SART3: variants seen among roughly 807,000 people sequenced by gnomAD.
SART3 encodes the protein HIV-1 Tat-interacting protein of 110kDa.
A neutral mutation model predicts 122.3 loss-of-function variants in SART3; 44 were observed. The observed-to-expected ratio is 0.36, with a 90% CI of 0.28 to 0.46. The LOEUF is 0.46. Among genes scored for constraint, SART3 ranks in the 20% least tolerant of loss-of-function variants. The pLI, the probability that SART3 is intolerant of heterozygous loss-of-function variation, is 1.00. For missense variants in SART3, 1,101 were observed against 1,229.0 expected, an observed-to-expected ratio of 0.90 and a Z score of 1.56; for synonymous variants, 442 against 454.0, an observed-to-expected ratio of 0.97 and a Z score of 0.34.
At chr12:108,554,801 G>A (rs754335469) in intron 1 of SART3, among the ~76,000 whole-genome samples, 2 of 151,618 alleles carry the variant, frequency 1.3e-5, no homozygotes, top group Non-Finnish European at 2.9e-5. Flanking sequence ...ATGAGACAAG[G>A]AAAAGAAACA....
In SART3 at chr12:108,560,611, A is replaced by G. The variant is rs1253397462; in HGVS notation, c.312+232T>C. On this transcript the variant is annotated intron_variant, in intron 1 of 18. Coordinates refer to ENST00000546815, the MANE Select transcript of SART3 (RefSeq NM_014706.4). The stretch of plus-strand genomic sequence containing the variant: ...CTCAGTTTCCTCCAGTAAAATGGGG[A>G]TAGATAACAGGGCTTCCTTCACAGG... 2.3e-5 allele frequency: 11 copies of G among 484,266 alleles called. No individual in the cohort carries two copies. In the Admixed American group the frequency reaches 2.4e-4, roughly 10 times the overall value. The allele number at this position is 484,266 out of a possible 1,614,324, so 30.0% of individuals were successfully genotyped here. A position where few individuals can be genotyped will look rare whatever the true frequency, so the allele number is the denominator to read the frequency against.
chr12:108,529,679 T>C (rs1290225238), intron 15 of SART3, among the ~76,000 whole-genome samples: 1 of 152,120 alleles, frequency 6.6e-6, no homozygotes, highest in Non-Finnish European at 1.5e-5. Context: ...ACAGGAGCAC[T>C]TGTGCACTAT....
At position 108,532,286 on chromosome 12, in the gene SART3, G is replaced by A; in HGVS notation, c.1605C>T (p.Val535=). ...GCTCTGGGTAGTCACTGGTGCACTG[G>A]ACGGCCCGGTGCAGAGCCTTCCGGC... ...QHCRKALHRA[V]QCTSDYPEHV... is the part of the protein sequence containing the mutation. Residue 535 remains valine (V), a synonymous_variant, in exon 13 of 19, where the codon GTC becomes GTT. Transcript: ENST00000546815. The A allele has an allele frequency of 6.2e-7, 1 of 1,614,162 alleles. No individual in the cohort carries two copies. The highest frequency in any genetic ancestry group is 1.1e-5 in the South Asian group (1 of 91,076).
In SART3 at chr12:108,530,317, A is replaced by G. The variant is rs564918038; in HGVS notation, c.1747-7T>C. ...CTGCTTCCTTCTCTGCAGCCTAGAA[A>G]AGTGGGAAGATGATGCATCGCTGGA... On this transcript the variant is annotated splice_polypyrimidine_tract_variant and splice_region_variant and intron_variant, in intron 14 of 18. Coordinates refer to ENST00000546815, the MANE Select transcript of SART3 (RefSeq NM_014706.4). 3.4e-5 allele frequency: 55 copies of G among 1,613,940 alleles called. 1 individual carries two copies. The South Asian group carries it at 5.9e-4, about 17-fold the overall frequency.
At chr12:108,532,172 A>G (rs781270006) in intron 13 of SART3, 50 bp downstream of exon 13, 2 of 1,535,078 alleles carry the variant, frequency 1.3e-6, no homozygotes, top group South Asian at 1.1e-5. Flanking sequence ...ACTTGAGACC[A>G]AACAGCAAAT....
At chr12:108,553,550 T>C (rs948004685) in intron 1 of SART3, among the ~76,000 whole-genome samples, 1 of 152,190 alleles carries the variant, frequency 6.6e-6, no homozygotes, top group East Asian at 1.9e-4. Flanking sequence ...TTTAGGAATA[T>C]TTCCCTCTCC....
At chr12:108,538,252 C>T in intron 7 of SART3, 49 bp from the exon 8 acceptor site, 4 of 1,602,806 alleles carry the variant, frequency 2.5e-6, no homozygotes, top group South Asian at 1.1e-5. Flanking sequence ...ATTAAGCATT[C>T]ACCATCAACA....
At chr12:108,530,442 A>G in intron 14 of SART3, 132 bp from the exon 15 acceptor site, 1 of 1,001,744 alleles carries the variant, frequency 1.0e-6, no homozygotes, top group Admixed American at 2.0e-5. Context: ...AAACGTGGAC[A>G]GGCTCACGGC....
chr12:108,545,407 C>T lies in SART3; in HGVS notation c.545-84G>A, dbSNP rs80353315. Reference sequence around the variant, plus strand: ...ATGCATAACAAACGAAATGTGCCTACCAAAAAAGTACTCAGACAGCAGCAC... The same window carrying T: ...ATGCATAACAAACGAAATGTGCCTATCAAAAAAGTACTCAGACAGCAGCAC... On this transcript the variant is annotated intron_variant, in intron 3 of 18. Transcript: ENST00000546815. 806 of 1,313,882 alleles carry T rather than the reference C, an allele frequency of 6.1e-4. 4 individuals are homozygous for T. The African/African-American group carries it at 9.6e-3, about 16-fold the overall frequency. The allele number at this position is 1,313,882 out of a possible 1,614,324, so 81.4% of individuals were successfully genotyped here.
At chr12:108,537,721 G>A (rs1405463183) in intron 8 of SART3, 126 bp from the exon 9 acceptor site, 11 of 778,886 alleles carry the variant, frequency 1.4e-5, no homozygotes, top group East Asian at 8.0e-5. Flanking sequence ...AGAATGAAAT[G>A]AGCTAGACAG....
chr12:108,554,674 T>C (rs2030143904), intron 1 of SART3, among the ~76,000 whole-genome samples: 2 of 147,766 alleles, frequency 1.4e-5, no homozygotes, highest in Admixed American at 1.4e-4. Context: ...TATTATATAT[T>C]TATATATTTA....
At chr12:108,530,120 C>T (rs1173579093) in intron 15 of SART3, 22 bp downstream of exon 15, 2 of 1,613,928 alleles carry the variant, frequency 1.2e-6, no homozygotes, top group Non-Finnish European at 8.5e-7. Context: ...TTTCAAAACA[C>T]AATTTCTCAA....
chr12:108,545,112 C>G, intron 4 of SART3, 27 bp downstream of exon 4: 1 of 1,610,116 alleles, frequency 6.2e-7, no homozygotes, highest in Non-Finnish European at 8.5e-7. Flanking sequence ...AGCCCCAACC[C>G]GTTCAGAGAC....
rs146774269 is a variant in SART3 at position 108,543,103 on chromosome 12, T to C, written c.831A>G (p.Ile277Met). Residue 277 changes from isoleucine to methionine, a missense_variant, in exon 6 of 19, where the codon ATA becomes ATG. Coordinates refer to ENST00000546815, the MANE Select transcript of SART3 (RefSeq NM_014706.4). The stretch of plus-strand genomic sequence containing the variant: ...TATAGTTCTGAATTACTGACTCTGG[T>C]ATTGGGTCTTCTGACCATTCTTCAT... ...AEYEEWSEDP[I>M]PESVIQNYNK... 99 of 1,614,114 alleles carry C rather than the reference T, an allele frequency of 6.1e-5. No homozygotes were observed. The African/African-American group carries it at 1.1e-3, about 19-fold the overall frequency.
At chr12:108,534,405 C>T (rs892591040) in intron 12 of SART3, among the ~76,000 whole-genome samples, 4 of 151,648 alleles carry the variant, frequency 2.6e-5, no homozygotes, top group African/African-American at 9.7e-5. Flanking sequence ...CACGTTTAGC[C>T]GGATATGGTG....
intron 15 of SART3, among the ~76,000 whole-genome samples, chr12:108,528,740 C>T (rs1035506501): frequency 6.6e-6 from 1 of 152,096 alleles, no homozygotes; most frequent in Non-Finnish European, 1.5e-5. Flanking sequence ...GAGGCAGGCA[C>T]AGGAAGTTGA....
At chr12:108,548,960 C>A in intron 2 of SART3, 128 bp downstream of exon 2, 1 of 1,382,264 alleles carries the variant, frequency 7.2e-7, no homozygotes, top group South Asian at 1.2e-5. Context: ...AACTCTGATG[C>A]GTTTTCTTCT....
Position 108,522,792 on chromosome 12 carries a change from C to T in SART3, c.*665G>A, listed in dbSNP as rs1479116223. On this transcript the variant is annotated 3_prime_UTR_variant, in exon 19 of 19. Transcript: ENST00000546815. ...GGCTGAAACTCATGTTTAGACAACACAGGTCACTAGTCACTAGGCAAAGAA... is the reference window on the plus strand; with the variant it reads ...GGCTGAAACTCATGTTTAGACAACATAGGTCACTAGTCACTAGGCAAAGAA... 6.5e-6 allele frequency: 1 copy of T among 153,690 alleles called. No individual in the cohort carries two copies. Among genetic ancestry groups the T allele is most frequent in the Non-Finnish European group, 1.4e-5 (1 of 69,074 alleles). 9.5% of individuals were successfully genotyped at this position (153,690 alleles called of 1,614,324 possible).
At chr12:108,552,561 A>G (rs1592775189) in intron 1 of SART3, among the ~76,000 whole-genome samples, 1 of 151,670 alleles carries the variant, frequency 6.6e-6, no homozygotes, top group Non-Finnish European at 1.5e-5. Context: ...AAACAAAAGA[A>G]CATGTGGAAA....
Sources: gnomAD v4.1 joint callset for allele counts (sites outside exome capture counted in the v4.1 genomes callset) on GRCh38, gnomAD v4.1.1 for gene constraint, MANE v1.5 for transcripts, NCBI Gene and HGNC (gene_info 2026-07-23, HGNC 2026-07-21) for gene names.